Variants in SEMA7A observed in about 807,000 individuals in gnomAD.
The protein encoded by SEMA7A is semaphorin 7A (JohnMiltonHagen blood group).
In SEMA7A, 21 loss-of-function variants were observed where a neutral mutation model predicts 67.5. The ratio of observed to expected loss-of-function variants is 0.31; its 90% confidence interval spans 0.22 to 0.45. The LOEUF (loss-of-function observed/expected upper bound fraction) is 0.45. Ranked by LOEUF, SEMA7A falls within the 20% of genes least tolerant of loss-of-function variation. The probability of loss-of-function intolerance (pLI) is 1.00; values close to 1 mark genes in which losing one functional copy is unlikely to be tolerated. For missense variants in SEMA7A, 774 were observed against 908.6 expected, an observed-to-expected ratio of 0.85 and a Z score of 1.90; for synonymous variants, 364 against 368.5, an observed-to-expected ratio of 0.99 and a Z score of 0.14.
At chr15:74,420,104 C>T (rs1328264059) in intron 1 of SEMA7A, among the ~76,000 whole-genome samples, 1 of 152,194 alleles carries the variant, frequency 6.6e-6, no homozygotes, top group Non-Finnish European at 1.5e-5. Context: ...CACCCAAGCT[C>T]CAGCTCTGAC....
chr15:74,425,164 CAGA>C (rs2061033287), intron 1 of SEMA7A, among the ~76,000 whole-genome samples: 1 of 152,196 alleles, frequency 6.6e-6, no homozygotes, highest in Admixed American at 6.5e-5. Flanking sequence ...CCAGAGATGC[CAGA>C]GGAGGAGGAG....
At chr15:74,416,345 C>T (rs2060948334) in intron 7 of SEMA7A, among the ~76,000 whole-genome samples, 1 of 151,992 alleles carries the variant, frequency 6.6e-6, no homozygotes, top group African/African-American at 2.4e-5. Flanking sequence ...ACACACACCC[C>T]ATCATACACA....
intron 1 of SEMA7A, among the ~76,000 whole-genome samples, chr15:74,425,803 G>A (rs1362597565): frequency 1.3e-5 from 2 of 152,208 alleles, no homozygotes; most frequent in African/African-American, 2.4e-5. Context: ...ACCGTAGACA[G>A]TCGTCTCCTG....
intron 1 of SEMA7A, among the ~76,000 whole-genome samples, chr15:74,422,123 G>T (rs1036191599): frequency 6.6e-6 from 1 of 152,038 alleles, no homozygotes; most frequent in African/African-American, 2.4e-5. Flanking sequence ...TGAGGCCCAC[G>T]TGTGATGGGG....
chr15:74,427,347 G>A, intron 1 of SEMA7A: 1 of 985,378 alleles, frequency 1.0e-6, no homozygotes, highest in Non-Finnish European at 1.2e-6. Flanking sequence ...ATGCCAGAGG[G>A]ACAGGTATCT....
At chr15:74,419,164 C>CCTCA (rs766621513) in intron 1 of SEMA7A, among the ~76,000 whole-genome samples, 89 of 152,290 alleles carry the variant, frequency 5.8e-4, no homozygotes, top group Non-Finnish European at 9.4e-4. Context: ...AACCAGCTGT[C>CCTCA]CTCACCCACA....
chr15:74,414,589 C>A lies in SEMA7A; in HGVS notation c.1252G>T (p.Ala418Ser), dbSNP rs772368761. The stretch of plus-strand genomic sequence containing the variant: ...ACATGAAAGGTCTCCCCGTGGCTGG[C>A]TTGCATGCGGTGGACGGCCACTTTC... ...YQKVAVHRMQ[A>S]SHGETFHVLY... The change falls in exon 10 of 14, where the codon GCC (alanine) becomes TCC (serine). Residue 418 changes from alanine (A) to serine (S), a missense_variant. Transcript: ENST00000261918. This position sits in a 1 kb window ranked among gnomAD's most constrained non-coding sequence, Gnocchi z 4.1. 1.5e-5 allele frequency: 25 copies of A among 1,614,140 alleles called. No homozygotes were observed. The African/African-American group carries it at 3.2e-4, about 21-fold the overall frequency.
intron 1 of SEMA7A, among the ~76,000 whole-genome samples, chr15:74,420,588 G>T (rs2060992110): frequency 6.6e-6 from 1 of 152,194 alleles, no homozygotes; most frequent in Non-Finnish European, 1.5e-5. Flanking sequence ...AGCAAGGGCT[G>T]AGAGGTACTG....
chr15:74,433,546 C>G (rs2061111672), intron 1 of SEMA7A, 195 bp downstream of exon 1: 1 of 1,211,432 alleles, frequency 8.3e-7, no homozygotes. Flanking sequence ...CGCAGCGTTA[C>G]AGCCGGCTCT....
rs1034776329 is a variant in SEMA7A at position 74,414,029 on chromosome 15, C to T, written c.1294+518G>A. Among the ~76,000 whole-genome samples, 9 of 152,200 alleles carry T rather than the reference C, an allele frequency of 5.9e-5. No individual in the cohort carries two copies. The highest frequency in any genetic ancestry group is 1.2e-4 in the Non-Finnish European group (8 of 68,030). On this transcript the variant is annotated intron_variant, in intron 10 of 13. Coordinates refer to ENST00000261918, the MANE Select transcript of SEMA7A (RefSeq NM_003612.5). This position sits in a 1 kb window ranked among gnomAD's most constrained non-coding sequence, Gnocchi z 4.1. ...CTACTCCAGGGAAGAAGAGAAGCTGCCCCTGTCCTCTGTGAGATGGCAAAG... is the reference window on the plus strand; with the variant it reads ...CTACTCCAGGGAAGAAGAGAAGCTGTCCCTGTCCTCTGTGAGATGGCAAAG...
chr15:74,415,834 T>C lies in SEMA7A; in HGVS notation c.953A>G (p.Asp318Gly), dbSNP rs1372654465. The change falls in exon 8 of 14, where the codon GAC (aspartate) becomes GGC (glycine). Residue 318 changes from aspartate (D) to glycine (G), a missense_variant. Physicochemically the swap from Asp to Gly is moderately conservative, Grantham distance 94. Transcript: ENST00000261918. ...LLPDPSGQWR[D>G]TRVYGVFSNP... ...GGAGAAAACACCATAGACCCTGGTGTCCCTCCACTGGCCGCTGGGGTCAGG... is the reference window on the plus strand; with the variant it reads ...GGAGAAAACACCATAGACCCTGGTGCCCCTCCACTGGCCGCTGGGGTCAGG... The C allele has an allele frequency of 2.5e-6, 4 of 1,613,800 alleles. No homozygotes were observed. In the Admixed American group the frequency reaches 6.7e-5, roughly 27 times the overall value.
chr15:74,416,031 C>A, intron 7 of SEMA7A, 46 bp from the exon 8 acceptor site: 2 of 1,576,028 alleles, frequency 1.3e-6, no homozygotes, highest in Non-Finnish European at 1.7e-6. Flanking sequence ...CCTGCCCGGG[C>A]TTCCCCACAC....
At chr15:74,426,402 T>C (rs2061044012) in intron 1 of SEMA7A, among the ~76,000 whole-genome samples, 1 of 152,222 alleles carries the variant, frequency 6.6e-6, no homozygotes, top group African/African-American at 2.4e-5. Context: ...CACCTGTGTG[T>C]GGCTTCAGGT....
chr15:74,428,789 G>C, intron 1 of SEMA7A, among the ~76,000 whole-genome samples: 1 of 152,230 alleles, frequency 6.6e-6, no homozygotes, highest in East Asian at 1.9e-4. Context: ...CAGATCTGGA[G>C]AGATGGCAAG....
In SEMA7A at chr15:74,410,575, T is replaced by C. The variant is rs1295893880; in HGVS notation, c.*49A>G. On this transcript the variant is annotated 3_prime_UTR_variant, in exon 14 of 14. Transcript: ENST00000261918. The surrounding 1 kb of genome is among the most constrained non-coding windows in gnomAD (Gnocchi z 7.5). ...AGCCGGCTCTGAGTGTGAGACGTTC[T>C]AGTGCCCTGGGCTGCAGAAGCCTGA... 6.5e-7 allele frequency: 1 copy of C among 1,531,414 alleles called. No homozygotes were observed. The highest frequency in any genetic ancestry group is 2.3e-5 in the East Asian group (1 of 44,162). 94.9% of individuals were successfully genotyped at this position (1,531,414 alleles called of 1,614,324 possible).
chr15:74,433,288 C>T (rs1166232778), intron 1 of SEMA7A, among the ~76,000 whole-genome samples: 1 of 151,618 alleles, frequency 6.6e-6, no homozygotes, highest in Non-Finnish European at 1.5e-5. Context: ...AAGGGGTCCG[C>T]GCCCCCCTTG....
At chr15:74,417,297 C>T (rs1237966844) in intron 6 of SEMA7A, 38 bp downstream of exon 6, 2 of 1,529,808 alleles carry the variant, frequency 1.3e-6, no homozygotes, top group African/African-American at 1.4e-5. Flanking sequence ...TGCTCACACC[C>T]CCTTGCCCAC....
intron 6 of SEMA7A, among the ~76,000 whole-genome samples, chr15:74,416,936 C>T (rs1195221484): frequency 1.3e-5 from 2 of 152,222 alleles, no homozygotes; most frequent in Non-Finnish European, 2.9e-5. Context: ...GTCATCGGCC[C>T]AGGAGCAATG....
At chr15:74,419,799 C>T (rs1261467657) in intron 1 of SEMA7A, among the ~76,000 whole-genome samples, 1 of 152,202 alleles carries the variant, frequency 6.6e-6, no homozygotes, top group Non-Finnish European at 1.5e-5. Context: ...GGAACCTTCA[C>T]AGAGCACAGC....
Sources: allele counts gnomAD v4.1 joint callset (sites outside exome capture counted in the v4.1 genomes callset), GRCh38; gene constraint gnomAD v4.1.1; non-coding constraint Gnocchi (gnomAD v3.1); transcripts MANE v1.5; gene names NCBI Gene and HGNC (gene_info 2026-07-23, HGNC 2026-07-21).